The following CACNA2D2 variants were observed in gnomAD, a reference collection of about 807,000 sequenced individuals.
CACNA2D2 encodes the protein voltage-dependent calcium channel subunit alpha-2/delta-2.
CACNA2D2 carries 48 observed loss-of-function variants against 166.4 expected under a neutral mutation model. The observed-to-expected ratio is 0.29, with a 90% CI of 0.23 to 0.37. The LOEUF is 0.37. Ranked by LOEUF, CACNA2D2 falls within the 10% of genes least tolerant of loss-of-function variation. The pLI is 1.00. For missense variants in CACNA2D2, 1,122 were observed against 1,433.0 expected, an observed-to-expected ratio of 0.78 and a Z score of 3.50; for synonymous variants, 561 against 573.7, an observed-to-expected ratio of 0.98 and a Z score of 0.32.
At chr3:50,484,360 C>T (rs1698184143) in intron 1 of CACNA2D2, among the ~76,000 whole-genome samples, 1 of 152,192 alleles carries the variant, frequency 6.6e-6, no homozygotes, top group Non-Finnish European at 1.5e-5. Context: ...CCTTCCCAGT[C>T]TGTTCCCCTC....
chr3:50,483,911 C>G (rs760694969), intron 1 of CACNA2D2, among the ~76,000 whole-genome samples: 1 of 152,148 alleles, frequency 6.6e-6, no homozygotes, highest in Non-Finnish European at 1.5e-5. Context: ...AGAGGGAAAC[C>G]GAGGCACAGA....
At position 50,367,266 on chromosome 3, in the gene CACNA2D2, C is replaced by T. The variant is rs1575585136; in HGVS notation, c.2401+128G>A. The T allele has an allele frequency of 4.3e-5, 44 of 1,026,734 alleles. No homozygotes were observed. Among genetic ancestry groups the T allele is most frequent in the Non-Finnish European group, 5.8e-5 (39 of 671,672 alleles). The allele number at this position is 1,026,734 out of a possible 1,614,324, so 63.6% of individuals were successfully genotyped here. A position where few individuals can be genotyped will look rare whatever the true frequency, so the allele number is the denominator to read the frequency against. On this transcript the variant is annotated intron_variant, in intron 27 of 37. Transcript: ENST00000424201. The surrounding 1 kb of genome is among the most constrained non-coding windows in gnomAD (Gnocchi z 6.5). ...TTGGCACAGTCTATCCCTCTTTTCACGTCTGCCCTGGCCTCAGCCAGCCTT... is the reference window on the plus strand; with the variant it reads ...TTGGCACAGTCTATCCCTCTTTTCATGTCTGCCCTGGCCTCAGCCAGCCTT...
intron 22 of CACNA2D2, among the ~76,000 whole-genome samples, chr3:50,371,967 T>C (rs587673850): frequency 6.7e-6 from 1 of 148,190 alleles, no homozygotes; most frequent in South Asian, 2.2e-4. Context: ...CTCTGATCCC[T>C]TTATCCCCTT....
intron 2 of CACNA2D2, among the ~76,000 whole-genome samples, chr3:50,443,651 G>C (rs1443137361): frequency 1.3e-5 from 2 of 152,176 alleles, no homozygotes; most frequent in Non-Finnish European, 2.9e-5. Flanking sequence ...CCCGCAGCAG[G>C]ACAAACGGCC....
chr3:50,370,846 G>A (rs1165584093), intron 22 of CACNA2D2, among the ~76,000 whole-genome samples: 1 of 152,154 alleles, frequency 6.6e-6, no homozygotes, highest in African/African-American at 2.4e-5. Context: ...TTGAGGAAGG[G>A]AATTGGCTTT....
rs1374593927 is a variant in CACNA2D2, at chr3:50,367,285, C to T, written c.2401+109G>A. 10 of 1,145,916 alleles carry T rather than the reference C, an allele frequency of 8.7e-6. No individual in the cohort carries two copies. In the East Asian group the frequency reaches 1.3e-4, roughly 14 times the overall value. 71.0% of individuals were successfully genotyped at this position (1,145,916 alleles called of 1,614,324 possible). ...TTTTCACGTCTGCCCTGGCCTCAGC[C>T]AGCCTTGTGTTGGAGAGGGGCCTCA... On this transcript the variant is annotated intron_variant, in intron 27 of 37. Transcript: ENST00000424201. The surrounding 1 kb of genome is among the most constrained non-coding windows in gnomAD (Gnocchi z 6.5).
At chr3:50,433,447 A>G (rs1018401165) in intron 3 of CACNA2D2, among the ~76,000 whole-genome samples, 5 of 152,032 alleles carry the variant, frequency 3.3e-5, no homozygotes, top group Non-Finnish European at 5.9e-5. Context: ...GCAGCCTCGA[A>G]TTTGAAATCC....
Position 50,367,906 on chromosome 3 carries a change from G to C in CACNA2D2, c.2144-4C>G. On this transcript the variant is annotated splice_polypyrimidine_tract_variant and splice_region_variant and intron_variant, in intron 24 of 37. Coordinates refer to ENST00000424201, the MANE Select transcript of CACNA2D2 (RefSeq NM_006030.4). This position sits in a 1 kb window ranked among gnomAD's most constrained non-coding sequence, Gnocchi z 6.5. ...TTGTGCAGAAGGAAGTTGTTGCCTG[G>C]AACAGGAGGGGAGGGGTGGGGGTGG... is the stretch of plus-strand genomic sequence containing the variant. The C allele has an allele frequency of 3.0e-6, 2 of 661,768 alleles. No individual in the cohort carries two copies. The highest frequency in any genetic ancestry group is 2.6e-6 in the Non-Finnish European group (1 of 389,572). 41.0% of individuals were successfully genotyped at this position (661,768 alleles called of 1,614,324 possible). A position where few individuals can be genotyped will look rare whatever the true frequency, so the allele number is the denominator to read the frequency against.
At chr3:50,384,509 C>T (rs986306429) in intron 5 of CACNA2D2, among the ~76,000 whole-genome samples, 172 bp from the exon 6 acceptor site, 1 of 152,186 alleles carries the variant, frequency 6.6e-6, no homozygotes. Context: ...CAGATGGACA[C>T]GGGGTTGGAC....
At position 50,364,969 on chromosome 3, in the gene CACNA2D2, C is replaced by A. The variant is rs1390108032; in HGVS notation, c.3210G>T (p.Ser1070=). The change falls in exon 37 of 38, where the codon TCG becomes TCT. Residue 1070 remains serine, a splice_region_variant and synonymous_variant. Coordinates refer to ENST00000424201, the MANE Select transcript of CACNA2D2 (RefSeq NM_006030.4). ...AGRLLQKETH[S]DGPEQCELVQ... is the part of the protein sequence containing the mutation. Reference sequence around the variant, plus strand: ...CTAGCTCACACTGCTCCGGGCCGTCCGCTGGGCATGGGTGGGGAGTCAAGG... The same window carrying A: ...CTAGCTCACACTGCTCCGGGCCGTCAGCTGGGCATGGGTGGGGAGTCAAGG... The A allele has an allele frequency of 3.1e-6, 5 of 1,612,186 alleles. No homozygotes were observed. Among genetic ancestry groups the A allele is most frequent in the African/African-American group, 1.3e-5 (1 of 74,756 alleles).
upstream of CACNA2D2, chr3:50,504,188 AC>A (rs1699104617): frequency 6.6e-6 from 1 of 152,200 alleles, no homozygotes; most frequent in South Asian, 2.1e-4. Context: ...GCACGGCTGT[AC>A]GGTTGTGGGG....
chr3:50,459,882 T>C lies in CACNA2D2; in HGVS notation c.288+16236A>G, dbSNP rs564844021. Among the ~76,000 whole-genome samples, 13 of 152,114 alleles carry C rather than the reference T, an allele frequency of 8.5e-5. No individual in the cohort carries two copies. In the South Asian group the frequency reaches 2.3e-3, roughly 27 times the overall value. ...CAGGCAGTGCTTCCCAACCATCCCA[T>C]TGATTCCTGGGGGTTCTGCCTTCTC... On this transcript the variant is annotated intron_variant, in intron 2 of 37. Coordinates refer to ENST00000424201, the MANE Select transcript of CACNA2D2 (RefSeq NM_006030.4).
intron 3 of CACNA2D2, among the ~76,000 whole-genome samples, chr3:50,410,794 G>A (rs1224952168): frequency 6.6e-6 from 1 of 152,262 alleles, no homozygotes; most frequent in African/African-American, 2.4e-5. Context: ...TTTAGTGGGA[G>A]TGGGTGAGGA....
chr3:50,484,891 G>T (rs1305257926), intron 1 of CACNA2D2, among the ~76,000 whole-genome samples: 1 of 152,260 alleles, frequency 6.6e-6, no homozygotes, highest in South Asian at 2.1e-4. Flanking sequence ...TGTGTGGCCG[G>T]CCATGGGGTA....
chr3:50,372,971 G>T (rs1704740140), intron 22 of CACNA2D2: 2 of 925,806 alleles, frequency 2.2e-6, no homozygotes, highest in Non-Finnish European at 1.6e-6. Flanking sequence ...GAGAGCAGGG[G>T]TTTGGCTGGT....
rs778726117 is a variant in CACNA2D2, at chr3:50,365,457, G to A, written c.2997C>T (p.Pro999=). ...QADPAEAEGS[P]ETRESSCVMK... ...TGACGCAGCTGCTCTCGCGCGTCTC[G>A]GGGCTCCCCTCGGCCTCCGCGGGGT... Residue 999 remains proline (P), a synonymous_variant, in exon 35 of 38, where the codon CCC becomes CCT. Transcript: ENST00000424201. This position sits in a 1 kb window ranked among gnomAD's most constrained non-coding sequence, Gnocchi z 4.5. 3 of 1,613,382 alleles carry A rather than the reference G, an allele frequency of 1.9e-6. No individual in the cohort carries two copies. The highest frequency in any genetic ancestry group is 1.7e-5 in the Admixed American group (1 of 59,970).
At chr3:50,467,581 G>A (rs1213287029) in intron 2 of CACNA2D2, among the ~76,000 whole-genome samples, 1 of 152,180 alleles carries the variant, frequency 6.6e-6, no homozygotes, top group East Asian at 1.9e-4. Flanking sequence ...GCCCGCCTGC[G>A]TGTGTGCATA....
At position 50,386,295 on chromosome 3, in the gene CACNA2D2, T is replaced by C. The variant is rs1223362926; in HGVS notation, c.510+1273A>G. 2.6e-5 allele frequency among the ~76,000 whole-genome samples: 4 copies of C among 152,172 alleles called. No homozygotes were observed. The East Asian group carries it at 5.8e-4, about 22-fold the overall frequency. On this transcript the variant is annotated intron_variant, in intron 5 of 37. Transcript: ENST00000424201. ...TGGAGGTAGGTTCAGAGCATCCTAG[T>C]AGGGGTTGGGCACCAGGCTGTCCAA... is the stretch of plus-strand genomic sequence containing the variant.
At chr3:50,395,955 G>A (rs1706127942) in intron 3 of CACNA2D2, among the ~76,000 whole-genome samples, 2 of 152,114 alleles carry the variant, frequency 1.3e-5, no homozygotes, top group Middle Eastern at 3.2e-3. Context: ...CCTGGCCTCT[G>A]CTTCCCTCTC....
Sources: allele counts gnomAD v4.1 joint callset (sites outside exome capture counted in the v4.1 genomes callset), GRCh38; gene constraint gnomAD v4.1.1; non-coding constraint Gnocchi (gnomAD v3.1); transcripts MANE v1.5; gene names NCBI Gene and HGNC (gene_info 2026-07-23, HGNC 2026-07-21).